The following COL28A1 variants were observed in gnomAD, a reference collection of about 807,000 sequenced individuals.
COL28A1 encodes collagen alpha-1(XXVIII) chain.
Under a neutral mutation model 150.2 loss-of-function variants are expected in COL28A1, and 161 were observed. That is an observed-to-expected ratio of 1.07 (90% confidence interval 0.94 to 1.22). The LOEUF is 1.22. Ranked by LOEUF, COL28A1 falls within the 50% of genes most tolerant of loss-of-function variation. The pLI is 0.00. For missense variants in COL28A1, 1,617 were observed against 1,388.3 expected, an observed-to-expected ratio of 1.16 and a Z score of -2.62; for synonymous variants, 552 against 469.7, an observed-to-expected ratio of 1.18 and a Z score of -2.26.
At chr7:7,369,257 T>A (rs1283435842) in intron 33 of COL28A1, among the ~76,000 whole-genome samples, 1 of 152,142 alleles carries the variant, frequency 6.6e-6, no homozygotes, top group Non-Finnish European at 1.5e-5. Flanking sequence ...TCCATTATTG[T>A]CTGGAATTTA....
At position 7,515,795 on chromosome 7, in the gene COL28A1, T is replaced by C; in HGVS notation, c.882+19A>G. 1 of 975,200 alleles carries C rather than the reference T, an allele frequency of 1.0e-6. No individual in the cohort carries two copies. The highest frequency in any genetic ancestry group is 1.7e-6 in the Non-Finnish European group (1 of 600,708). The allele number at this position is 975,200 out of a possible 1,614,324, so 60.4% of individuals were successfully genotyped here. On this transcript the variant is annotated intron_variant, in intron 8 of 34. Coordinates refer to ENST00000399429, the MANE Select transcript of COL28A1 (RefSeq NM_001037763.3). ...TCTTTTTGAAATTCTGGTCAATCTATTTGTTGTTACCAACTTACCTTGTCA... is the reference window on the plus strand; with the variant it reads ...TCTTTTTGAAATTCTGGTCAATCTACTTGTTGTTACCAACTTACCTTGTCA...
chr7:7,423,212 A>G (rs10269244), intron 25 of COL28A1, among the ~76,000 whole-genome samples: 31,007 of 152,128 alleles, frequency 0.2, 4,385 homozygotes, highest in African/African-American at 0.4. Flanking sequence ...TAATGTGGTG[A>G]GGGGAGGAGT....
intron 14 of COL28A1, among the ~76,000 whole-genome samples, chr7:7,476,340 G>T (rs149205602): frequency 6.6e-6 from 1 of 152,298 alleles, no homozygotes; most frequent in East Asian, 1.9e-4. Flanking sequence ...ATGTGCCAAA[G>T]ATTATATACA....
intron 25 of COL28A1, among the ~76,000 whole-genome samples, chr7:7,422,586 G>A (rs982922157): frequency 2.0e-5 from 3 of 151,712 alleles, no homozygotes; most frequent in Non-Finnish European, 2.9e-5. Flanking sequence ...CCAAAACCAC[G>A]CCATTGCACG....
intron 13 of COL28A1, among the ~76,000 whole-genome samples, chr7:7,485,517 T>C (rs1779579694): frequency 1.3e-5 from 2 of 152,182 alleles, no homozygotes; most frequent in African/African-American, 4.8e-5. Context: ...TTTGGTGACA[T>C]GTCTAAGAAA....
At chr7:7,522,806 CAAAAAAAAAAA>C (rs200294353) in intron 4 of COL28A1, among the ~76,000 whole-genome samples, 6 of 93,172 alleles carry the variant, frequency 6.4e-5, no homozygotes, top group Non-Finnish European at 1.0e-4. Context: ...AGCTGAAGAG[CAAAAAAAAAAA>C]AAAAAAAAAA....
chr7:7,517,977 G>C, intron 6 of COL28A1, 140 bp from the exon 7 acceptor site: 2 of 893,790 alleles, frequency 2.2e-6, no homozygotes, highest in East Asian at 3.2e-5. Flanking sequence ...TTTTCACTAT[G>C]CAATCTAGGC....
intron 13 of COL28A1, among the ~76,000 whole-genome samples, chr7:7,485,721 CTA>C (rs1224260335): frequency 2.0e-5 from 3 of 152,086 alleles, no homozygotes; most frequent in Non-Finnish European, 2.9e-5. Context: ...GTTAAAAAGA[CTA>C]TGTTTCCTCT....
chr7:7,460,426 G>C (rs1032247603), intron 15 of COL28A1, among the ~76,000 whole-genome samples: 2 of 151,912 alleles, frequency 1.3e-5, no homozygotes, highest in East Asian at 1.9e-4. Context: ...CTGTCACCCA[G>C]GCTGGAGTGC....
At chr7:7,404,908 G>T (rs1299756127) in intron 27 of COL28A1, among the ~76,000 whole-genome samples, 1 of 151,920 alleles carries the variant, frequency 6.6e-6, no homozygotes. Context: ...TTTTGACACA[G>T]AGTCTCACTC....
chr7:7,431,573 G>A, intron 25 of COL28A1: 1 of 471,144 alleles, frequency 2.1e-6, no homozygotes, highest in Admixed American at 2.3e-5. Context: ...CTGAATGTCG[G>A]CAGCCAGGGA....
chr7:7,396,154 T>C (rs538448595), intron 27 of COL28A1, among the ~76,000 whole-genome samples: 2 of 152,314 alleles, frequency 1.3e-5, no homozygotes, highest in African/African-American at 2.4e-5. Context: ...AAGGACCTTA[T>C]CCAGAGACCC....
At chr7:7,495,143 T>G (rs1228706082) in intron 11 of COL28A1, among the ~76,000 whole-genome samples, 3 of 152,176 alleles carry the variant, frequency 2.0e-5, no homozygotes, top group Admixed American at 2.0e-4. Flanking sequence ...AAATTATAAT[T>G]AATAAATTTT....
chr7:7,418,465 G>A (rs1784223116), intron 26 of COL28A1, among the ~76,000 whole-genome samples: 1 of 152,170 alleles, frequency 6.6e-6, no homozygotes, highest in Admixed American at 6.5e-5. Context: ...ATGTTTCTTT[G>A]GAAACACTTC....
chr7:7,352,043 T>C (rs974919180), downstream of COL28A1, among the ~76,000 whole-genome samples: 2 of 152,176 alleles, frequency 1.3e-5, no homozygotes, highest in Non-Finnish European at 2.9e-5. Context: ...TTCATCTGCA[T>C]GACAAAACCT....
chr7:7,413,241 C>T (rs1271206865), intron 27 of COL28A1, among the ~76,000 whole-genome samples: 1 of 152,078 alleles, frequency 6.6e-6, no homozygotes, highest in African/African-American at 2.4e-5. Context: ...TAGTCAGTCC[C>T]TCCTTTGCTA....
chr7:7,523,183 G>T (rs148511683), intron 4 of COL28A1, among the ~76,000 whole-genome samples: 6 of 710 alleles, frequency 8.5e-3, no homozygotes, highest in Middle Eastern at 0.5. Flanking sequence ...TTTTTTAAAC[G>T]GGAGTCTCAC....
At chr7:7,506,134 T>C in intron 10 of COL28A1, 67 bp from the exon 11 acceptor site, 3 of 858,378 alleles carry the variant, frequency 3.5e-6, no homozygotes. Context: ...AATCATTCTT[T>C]AGGGTCCCTA....
chr7:7,522,000 A>T (rs1403809331), intron 4 of COL28A1, 39 bp from the exon 5 acceptor site: 1 of 863,590 alleles, frequency 1.2e-6, no homozygotes, highest in Non-Finnish European at 2.0e-6. Flanking sequence ...CACACAGTGA[A>T]ATTCAAATTG....
Sources: gnomAD v4.1 joint callset for allele counts (sites outside exome capture counted in the v4.1 genomes callset) on GRCh38, gnomAD v4.1.1 for gene constraint, MANE v1.5 for transcripts, NCBI Gene and HGNC (gene_info 2026-07-23, HGNC 2026-07-21) for gene names.